The following YAP1 variants were observed in gnomAD, a reference collection of about 807,000 sequenced individuals.
YAP1 encodes Yes1 associated transcriptional regulator.
A neutral mutation model predicts 56.9 loss-of-function variants in YAP1; 5 were observed. That is an observed-to-expected ratio of 0.09 (90% CI 0.05 to 0.18). The LOEUF (loss-of-function observed/expected upper bound fraction) is 0.18, where lower values mean the gene tolerates loss of function less well. Ranked by LOEUF, YAP1 falls within the 10% of genes least tolerant of loss-of-function variation. YAP1 has a pLI of 1.00. For missense variants in YAP1, 539 were observed against 651.8 expected, an observed-to-expected ratio of 0.83 and a Z score of 1.88; for synonymous variants, 265 against 248.1, an observed-to-expected ratio of 1.07 and a Z score of -0.64.
chr11:102,229,468 C>T (rs73585832), intron 8 of YAP1, among the ~76,000 whole-genome samples: 4,983 of 152,138 alleles, frequency 0.033, 261 homozygotes, highest in African/African-American at 0.11. Context: ...TAGTGCTCAG[C>T]ACATAATAGC....
At chr11:102,112,182 C>T (rs904390844) in intron 1 of YAP1, among the ~76,000 whole-genome samples, 1 of 152,204 alleles carries the variant, frequency 6.6e-6, no homozygotes, top group Non-Finnish European at 1.5e-5. Context: ...CTGCCTAGTT[C>T]AACTGTGATT....
At position 102,212,400 on chromosome 11, in the gene YAP1, A is replaced by T. The variant is rs146176753; in HGVS notation, c.1032+2836A>T. Among the ~76,000 whole-genome samples the T allele has an allele frequency of 4.5e-3, 686 of 152,276 alleles. 3 individuals are homozygous for T. The highest frequency in any genetic ancestry group is 7.5e-3 in the Non-Finnish European group (513 of 68,022). Reference sequence around the variant, plus strand: ...ACGTCAGTATGGGTGAGGTTAATGAAAAATTCCAAGATCCATGGCCCAAGT... The same window carrying T: ...ACGTCAGTATGGGTGAGGTTAATGATAAATTCCAAGATCCATGGCCCAAGT... On this transcript the variant is annotated intron_variant, in intron 6 of 8. Transcript: ENST00000282441.
chr11:102,203,070 A>G (rs1378109093), intron 4 of YAP1, among the ~76,000 whole-genome samples: 1 of 152,246 alleles, frequency 6.6e-6, no homozygotes, highest in Non-Finnish European at 1.5e-5. Flanking sequence ...GAACCTGTGT[A>G]TTAAAACAGT....
At chr11:102,144,953 C>G (rs1945248347) in intron 2 of YAP1, among the ~76,000 whole-genome samples, 2 of 152,116 alleles carry the variant, frequency 1.3e-5, no homozygotes, top group Non-Finnish European at 2.9e-5. Flanking sequence ...CCTTCCCTCC[C>G]TCTCAGCTAT....
intron 3 of YAP1, 69 bp from the exon 4 acceptor site, chr11:102,185,949 C>G: frequency 1.4e-6 from 2 of 1,420,436 alleles, no homozygotes; most frequent in African/African-American, 1.5e-5. Flanking sequence ...TAAATTAGTA[C>G]CCCCTCCCAC....
At chr11:102,211,956 G>T (rs910203063) in intron 6 of YAP1, among the ~76,000 whole-genome samples, 2 of 152,128 alleles carry the variant, frequency 1.3e-5, no homozygotes, top group African/African-American at 2.4e-5. Flanking sequence ...GCCTGCCTCG[G>T]CCTCCCAAAG....
At chr11:102,130,128 G>A (rs531039120) in intron 2 of YAP1, among the ~76,000 whole-genome samples, 1 of 152,164 alleles carries the variant, frequency 6.6e-6, no homozygotes, top group Non-Finnish European at 1.5e-5. Flanking sequence ...GCACCATATA[G>A]CAGTCAGAGA....
intron 3 of YAP1, among the ~76,000 whole-genome samples, chr11:102,170,643 G>A (rs1042360721): frequency 1.3e-5 from 2 of 152,166 alleles, no homozygotes; most frequent in African/African-American, 4.8e-5. Flanking sequence ...ATTTGGGATA[G>A]TAAAGTTCAT....
At chr11:102,135,664 G>C (rs1262738124) in intron 2 of YAP1, among the ~76,000 whole-genome samples, 1 of 152,124 alleles carries the variant, frequency 6.6e-6, no homozygotes, top group Non-Finnish European at 1.5e-5. Flanking sequence ...GTATTGGTCA[G>C]GCCAATCACC....
At chr11:102,123,647 T>TTTTTTTTTTTTTTTTC (rs1565429580) in intron 2 of YAP1, among the ~76,000 whole-genome samples, 7 of 125,320 alleles carry the variant, frequency 5.6e-5, no homozygotes, top group African/African-American at 5.9e-5. Context: ...TTTTTTTTTC[T>TTTTTTTTTTTTTTTTC]TTTTTTTTTC....
At chr11:102,160,644 C>T (rs1034348794) in intron 2 of YAP1, among the ~76,000 whole-genome samples, 4 of 152,100 alleles carry the variant, frequency 2.6e-5, no homozygotes, top group African/African-American at 9.7e-5. Context: ...ACAAGAACTC[C>T]CAAGCCAGAA....
At chr11:102,118,726 G>A (rs568819975) in intron 2 of YAP1, among the ~76,000 whole-genome samples, 2 of 147,558 alleles carry the variant, frequency 1.4e-5, no homozygotes, top group African/African-American at 5.0e-5. Flanking sequence ...ACACCAGCCT[G>A]GGCGACAGAG....
intron 3 of YAP1, among the ~76,000 whole-genome samples, chr11:102,181,579 GAGAA>G (rs1435593941): frequency 6.6e-6 from 1 of 152,018 alleles, no homozygotes; most frequent in Non-Finnish European, 1.5e-5. Flanking sequence ...TTTGGAGACG[GAGAA>G]AGACTCTCTC....
chr11:102,174,479 A>G (rs1047548120), intron 3 of YAP1, among the ~76,000 whole-genome samples: 3 of 152,048 alleles, frequency 2.0e-5, no homozygotes, highest in Non-Finnish European at 2.9e-5. Context: ...AGGCTGAGAC[A>G]GGAGAATCGC....
chr11:102,117,032 C>T (rs564674197), intron 2 of YAP1, among the ~76,000 whole-genome samples: 17 of 152,182 alleles, frequency 1.1e-4, no homozygotes, highest in East Asian at 1.9e-4. Context: ...ATTATTTCAC[C>T]TTCTCCAGTT....
In YAP1 at chr11:102,229,819, TAGA is replaced by T; in HGVS notation, c.1397_1399del (p.Glu466del). The T allele has an allele frequency of 6.2e-7, 1 of 1,614,086 alleles. No homozygotes were observed. The highest frequency in any genetic ancestry group is 8.5e-7 in the Non-Finnish European group (1 of 1,179,996). The stretch of plus-strand genomic sequence containing the variant: ...ACACTGGAAGGAGATGGAATGAACA[TAGA>T]AGGAGAGGAGCTGATGCCAAGTCTG... On this transcript the variant is annotated inframe_deletion, in exon 9 of 9. Transcript: ENST00000282441.
chr11:102,159,843 G>A (rs1345215013), intron 2 of YAP1, among the ~76,000 whole-genome samples: 2 of 152,068 alleles, frequency 1.3e-5, no homozygotes, highest in Non-Finnish European at 2.9e-5. Flanking sequence ...CTTCCAAAAG[G>A]AGGAGGCTTC....
intron 4 of YAP1, among the ~76,000 whole-genome samples, chr11:102,196,774 C>T (rs1948596254): frequency 6.6e-6 from 1 of 151,840 alleles, no homozygotes; most frequent in Admixed American, 6.6e-5. Context: ...TATTTCTAGG[C>T]ATGATGTCAT....
At chr11:102,126,286 A>G (rs965908850) in intron 2 of YAP1, among the ~76,000 whole-genome samples, 1 of 152,194 alleles carries the variant, frequency 6.6e-6, no homozygotes. Context: ...ACCTTACAAA[A>G]TCACTTTTTA....
Sources: gnomAD v4.1 joint callset for allele counts (sites outside exome capture counted in the v4.1 genomes callset) on GRCh38, gnomAD v4.1.1 for gene constraint, MANE v1.5 for transcripts, NCBI Gene and HGNC (gene_info 2026-07-23, HGNC 2026-07-21) for gene names.